The following TRPC5 variants were observed in gnomAD, a reference collection of about 807,000 sequenced individuals.
TRPC5 encodes the protein short transient receptor potential channel 5.
Under a neutral mutation model 56.5 loss-of-function variants are expected in TRPC5, and 9 were observed. The observed-to-expected ratio is 0.16, with a 90% CI of 0.10 to 0.28. The LOEUF (loss-of-function observed/expected upper bound fraction) is 0.28. Among genes scored for constraint, TRPC5 ranks in the 10% least tolerant of loss-of-function variants. The pLI, the probability that TRPC5 is intolerant of heterozygous loss-of-function variation, is 1.00. For missense variants in TRPC5, 469 were observed against 748.9 expected, an observed-to-expected ratio of 0.63 and a Z score of 4.36; for synonymous variants, 282 against 278.5, an observed-to-expected ratio of 1.01 and a Z score of -0.13.
chrX:111,959,194 T>A (rs1389619412), intron 1 of TRPC5, among the ~76,000 whole-genome samples: 9 of 112,379 alleles, frequency 8.0e-5, no homozygotes, highest in African/African-American at 2.9e-4. Flanking sequence ...CTACATGATT[T>A]AAAAGACAAA....
At chrX:111,847,515 A>T in intron 5 of TRPC5, 79 bp from the exon 6 acceptor site, 1 of 943,478 alleles carries the variant, frequency 1.1e-6, no homozygotes, top group Non-Finnish European at 1.4e-6. Flanking sequence ...TTGCTTCCAT[A>T]CCCAAACAAA....
chrX:111,850,863 G>T (rs1284625832), intron 5 of TRPC5, among the ~76,000 whole-genome samples: 1 of 111,937 alleles, frequency 8.9e-6, no homozygotes, highest in African/African-American at 3.2e-5. Flanking sequence ...TTTATTCTAA[G>T]CTTTCCTGTT....
At chrX:111,812,342 A>G (rs1351500665) in intron 7 of TRPC5, among the ~76,000 whole-genome samples, 2 of 111,230 alleles carry the variant, frequency 1.8e-5, no homozygotes, top group Non-Finnish European at 3.8e-5. Flanking sequence ...CTCCACTGAT[A>G]TGAGGATATG....
chrX:111,965,594 T>C (rs1353889572), intron 1 of TRPC5, among the ~76,000 whole-genome samples: 1 of 111,412 alleles, frequency 9.0e-6, no homozygotes, highest in Non-Finnish European at 1.9e-5. Flanking sequence ...CCTCCGCAAA[T>C]GTAAAAGAAT....
rs368395510 is a variant in TRPC5, at chrX:111,788,556, C to T, written c.1897-6418G>A. On this transcript the variant is annotated intron_variant, in intron 7 of 10. Transcript: ENST00000262839. Reference sequence around the variant, plus strand: ...CGTATTCAACATAGTGTTGGAAGTTCTGGCCGGGGAAATCAGGCAAGAGAA... The same window carrying T: ...CGTATTCAACATAGTGTTGGAAGTTTTGGCCGGGGAAATCAGGCAAGAGAA... Among the ~76,000 whole-genome samples, 51 of 111,809 alleles carry T rather than the reference C, an allele frequency of 4.6e-4. 1 individual carries two copies. The East Asian group carries it at 7.0e-3, about 15-fold the overall frequency.
intron 2 of TRPC5, among the ~76,000 whole-genome samples, chrX:111,949,949 G>A (rs959044828): frequency 9.9e-5 from 11 of 111,168 alleles, no homozygotes; most frequent in Non-Finnish European, 1.9e-4. Flanking sequence ...CAACCCAAAT[G>A]CCCATCAATC....
chrX:111,822,809 A>AT (rs1046727576), intron 7 of TRPC5, among the ~76,000 whole-genome samples: 5 of 111,277 alleles, frequency 4.5e-5, no homozygotes, highest in African/African-American at 9.8e-5. Flanking sequence ...GGGGAGAGGT[A>AT]TTTTTTTTGG....
At chrX:111,996,528 C>A (rs2148658228) in intron 1 of TRPC5, among the ~76,000 whole-genome samples, 1 of 111,755 alleles carries the variant, frequency 8.9e-6, no homozygotes, top group East Asian at 2.8e-4. Context: ...AGTTCAGGCC[C>A]TGGATATCCT....
At chrX:111,913,808 A>C (rs1452132183) in intron 2 of TRPC5, among the ~76,000 whole-genome samples, 1 of 110,299 alleles carries the variant, frequency 9.1e-6, no homozygotes, top group Non-Finnish European at 1.9e-5. Context: ...AAAATACAAA[A>C]AATTAGCCGG....
chrX:111,901,704 C>T (rs1341827156), intron 3 of TRPC5: 1 of 412,768 alleles, frequency 2.4e-6, no homozygotes, highest in Admixed American at 4.7e-5. Context: ...TTTACTTGAT[C>T]ACCATCATAA....
At chrX:111,793,258 A>T (rs181259882) in intron 7 of TRPC5, among the ~76,000 whole-genome samples, 1 of 111,780 alleles carries the variant, frequency 8.9e-6, no homozygotes, top group East Asian at 2.8e-4. Context: ...CAGAAAGTAG[A>T]TCTGAGTGAC....
chrX:111,803,266 TG>T (rs1284191791), intron 7 of TRPC5, among the ~76,000 whole-genome samples: 1 of 112,545 alleles, frequency 8.9e-6, no homozygotes, highest in African/African-American at 3.2e-5. Flanking sequence ...AGTCTATTAT[TG>T]ATGGACATTT....
At chrX:111,824,762 G>T (rs1462408479) in intron 7 of TRPC5, among the ~76,000 whole-genome samples, 1 of 111,731 alleles carries the variant, frequency 9.0e-6, no homozygotes. Context: ...TACTGTTTTT[G>T]CTTCTCCTCA....
Position 112,055,501 on chromosome X carries a change from G to GT in TRPC5, c.-22+26377dup, listed in dbSNP as rs758091169. Among the ~76,000 whole-genome samples, 773 of 110,890 alleles carry GT rather than the reference G, an allele frequency of 7.0e-3. 9 individuals carry two copies. The highest frequency in any genetic ancestry group is 0.024 in the African/African-American group (737 of 30,610). ...GATTACTGCATTATGAAAGATTGAA[G>GT]TTTTTTATAACAAATGAAGCTTATT... On this transcript the variant is annotated intron_variant, in intron 1 of 10. Coordinates refer to ENST00000262839, the MANE Select transcript of TRPC5 (RefSeq NM_012471.3).
intron 1 of TRPC5, among the ~76,000 whole-genome samples, chrX:111,979,317 T>G (rs1928015412): frequency 9.0e-6 from 1 of 111,382 alleles, no homozygotes; most frequent in South Asian, 3.7e-4. Context: ...ATGCAAAACT[T>G]AATTCAAAAT....
At chrX:112,028,500 C>A (rs1370983101) in intron 1 of TRPC5, among the ~76,000 whole-genome samples, 6 of 111,344 alleles carry the variant, frequency 5.4e-5, no homozygotes, top group African/African-American at 2.0e-4. Context: ...TGTTCAACTC[C>A]CACCTGTGAG....
chrX:111,832,378 T>C (rs149477392), intron 7 of TRPC5, among the ~76,000 whole-genome samples: 1,140 of 112,302 alleles, frequency 0.01, 13 homozygotes, highest in African/African-American at 0.034. Context: ...TGTTGACAAC[T>C]CAGTCCCTAC....
At position 111,789,021 on chromosome X, in the gene TRPC5, G is replaced by A. The variant is rs185851273; in HGVS notation, c.1897-6883C>T. ...AATTTATAGATTCAATGCCATCCCC[G>A]TCAAGCTACCAATGACTTTCTTCAC... On this transcript the variant is annotated intron_variant, in intron 7 of 10. Coordinates refer to ENST00000262839, the MANE Select transcript of TRPC5 (RefSeq NM_012471.3). Among the ~76,000 whole-genome samples the A allele has an allele frequency of 1.3e-3, 140 of 111,663 alleles. 1 individual carries two copies. Among genetic ancestry groups the A allele is most frequent in the East Asian group, 0.01 (36 of 3,560 alleles).
chrX:111,847,507 G>C, intron 5 of TRPC5, 71 bp from the exon 6 acceptor site: 1 of 999,239 alleles, frequency 1.0e-6, no homozygotes, highest in Non-Finnish European at 1.3e-6. Context: ...TTTTTTCCTT[G>C]CTTCCATACC....
Sources: gnomAD v4.1 joint callset for allele counts (sites outside exome capture counted in the v4.1 genomes callset) on GRCh38, gnomAD v4.1.1 for gene constraint, MANE v1.5 for transcripts, NCBI Gene and HGNC (gene_info 2026-07-23, HGNC 2026-07-21) for gene names.